The following ZFAT variants were observed in gnomAD, a reference collection of about 807,000 sequenced individuals.
The protein encoded by ZFAT is zinc finger and AT-hook domain containing.
ZFAT carries 64 observed loss-of-function variants against 117.7 expected under a neutral mutation model. That is an observed-to-expected ratio of 0.54 (90% CI 0.44 to 0.67). The LOEUF is 0.67. Ranked by LOEUF, ZFAT falls within the 30% of genes least tolerant of loss-of-function variation. The pLI is 0.00. For synonymous variants in ZFAT, 679 were observed against 615.0 expected, an observed-to-expected ratio of 1.10 and a Z score of -1.54; for missense variants, 1,433 against 1,584.5, an observed-to-expected ratio of 0.90 and a Z score of 1.62.
chr8:134,599,656 C>T (rs1450300274), intron 7 of ZFAT: 2 of 407,760 alleles, frequency 4.9e-6, no homozygotes, highest in Non-Finnish European at 4.8e-6. Flanking sequence ...ACCATGGTAG[C>T]ACATCAAATG....
chr8:134,653,805 T>C (rs1410964189), intron 2 of ZFAT, among the ~76,000 whole-genome samples: 1 of 152,172 alleles, frequency 6.6e-6, no homozygotes, highest in Admixed American at 6.5e-5. Flanking sequence ...CTGACATTTT[T>C]TTAAGGCTGC....
intron 3 of ZFAT, among the ~76,000 whole-genome samples, chr8:134,637,158 T>C (rs1321684712): frequency 6.6e-6 from 1 of 152,234 alleles, no homozygotes; most frequent in Non-Finnish European, 1.5e-5. Context: ...CTTGTCTTCT[T>C]TCCCAGAACA....
chr8:134,806,494 G>T, the ZFAT span, among the ~76,000 whole-genome samples: 1 of 152,084 alleles, frequency 6.6e-6, no homozygotes, highest in Non-Finnish European at 1.5e-5. Flanking sequence ...TTTAAATCAG[G>T]AAAAAAATAG....
rs78470895 is a variant in ZFAT, at chr8:134,512,250, C to T, written c.3361+225G>A. Reference sequence around the variant, plus strand: ...TGGTAAGAGATGTGAGGGACTCTTGCGGCCCTGTTCGAAGGCTTTCCCTCT... The same window carrying T: ...TGGTAAGAGATGTGAGGGACTCTTGTGGCCCTGTTCGAAGGCTTTCCCTCT... On this transcript the variant is annotated intron_variant, in intron 14 of 15. Coordinates refer to ENST00000377838, the MANE Select transcript of ZFAT (RefSeq NM_020863.4). Among the ~76,000 whole-genome samples the T allele has an allele frequency of 6.8e-3, 1,033 of 152,290 alleles. 8 individuals carry two copies. Among genetic ancestry groups the T allele is most frequent in the Non-Finnish European group, 0.01 (688 of 68,030 alleles).
chr8:134,539,571 G>A (rs1822096897), intron 11 of ZFAT, among the ~76,000 whole-genome samples: 3 of 152,198 alleles, frequency 2.0e-5, no homozygotes, highest in African/African-American at 7.2e-5. Flanking sequence ...CAACCTGGCT[G>A]ATGTAGTAAT....
the ZFAT span, chr8:134,765,611 C>T: frequency 6.6e-6 from 1 of 152,050 alleles, no homozygotes; most frequent in Non-Finnish European, 1.5e-5. Flanking sequence ...TGTCTCAGAC[C>T]TTGTACTTTA....
At chr8:134,784,464 C>T in the ZFAT span, 1 of 151,994 alleles carries the variant, frequency 6.6e-6, no homozygotes, top group African/African-American at 2.4e-5. Context: ...ATCACTAGAA[C>T]CCCAAAATTA....
chr8:134,638,256 C>A (rs759246393), intron 2 of ZFAT, among the ~76,000 whole-genome samples: 4 of 152,132 alleles, frequency 2.6e-5, no homozygotes, highest in Non-Finnish European at 5.9e-5. Flanking sequence ...AAGACAATAA[C>A]AATATTTTTC....
At chr8:134,532,743 C>T (rs1268347432) in intron 12 of ZFAT, 91 bp downstream of exon 12, 7 of 1,503,936 alleles carry the variant, frequency 4.7e-6, no homozygotes, top group African/African-American at 2.7e-5. Context: ...TGTAGCAGAA[C>T]TGAACTGCAG....
At chr8:134,554,200 A>G (rs1203055644) in intron 11 of ZFAT, among the ~76,000 whole-genome samples, 1 of 152,180 alleles carries the variant, frequency 6.6e-6, no homozygotes, top group Non-Finnish European at 1.5e-5. Context: ...AGCAGGGGCA[A>G]TAGGTACATC....
the ZFAT span, among the ~76,000 whole-genome samples, chr8:134,737,476 T>C: frequency 6.6e-6 from 1 of 152,200 alleles, no homozygotes; most frequent in Non-Finnish European, 1.5e-5. Context: ...GCCAGGGCTC[T>C]GTGTGTTCAG....
At position 134,532,687 on chromosome 8, in the gene ZFAT, T is replaced by C. The variant is rs138965797; in HGVS notation, c.3115+147A>G. On this transcript the variant is annotated intron_variant, in intron 12 of 15. Transcript: ENST00000377838. ...TGACAAACAATGATAAGGACGATGA[T>C]GACAACAATTAGGACGATGAAGAAT... 5.5e-4 allele frequency: 621 copies of C among 1,119,190 alleles called. 3 individuals are homozygous for C. The African/African-American group carries it at 7.2e-3, about 13-fold the overall frequency. 69.3% of individuals were successfully genotyped at this position (1,119,190 alleles called of 1,614,324 possible).
At chr8:134,726,416 T>C in the ZFAT span, among the ~76,000 whole-genome samples, 1 of 152,224 alleles carries the variant, frequency 6.6e-6, no homozygotes, top group Non-Finnish European at 1.5e-5. Context: ...ACTGAAATTG[T>C]GCACATGCTC....
chr8:134,730,620 CCT>C, the ZFAT span, among the ~76,000 whole-genome samples: 1 of 152,152 alleles, frequency 6.6e-6, no homozygotes, highest in South Asian at 2.1e-4. Context: ...GGTGTGATCC[CCT>C]GTTTAAAGAT....
chr8:134,729,643 C>T, the ZFAT span, among the ~76,000 whole-genome samples: 3 of 152,208 alleles, frequency 2.0e-5, no homozygotes, highest in Non-Finnish European at 4.4e-5. Flanking sequence ...CCGCTTCTGA[C>T]TGCCACTGAG....
the ZFAT span, among the ~76,000 whole-genome samples, chr8:134,740,161 A>T: frequency 6.6e-6 from 1 of 151,662 alleles, no homozygotes; most frequent in South Asian, 2.1e-4. Flanking sequence ...CCTAACACTC[A>T]AACCCTTGTC....
At chr8:134,826,655 A>C in the ZFAT span, among the ~76,000 whole-genome samples, 1 of 152,202 alleles carries the variant, frequency 6.6e-6, no homozygotes, top group Non-Finnish European at 1.5e-5. Flanking sequence ...ACTTAGAACA[A>C]ATGCCAACAG....
the ZFAT span, among the ~76,000 whole-genome samples, chr8:134,770,569 G>A: frequency 6.6e-6 from 1 of 152,132 alleles, no homozygotes; most frequent in African/African-American, 2.4e-5. Flanking sequence ...TGCCCAAATT[G>A]TAGAACATGT....
intron 3 of ZFAT, among the ~76,000 whole-genome samples, chr8:134,631,763 A>C (rs1586852569): frequency 6.6e-6 from 1 of 152,170 alleles, no homozygotes; most frequent in East Asian, 1.9e-4. Context: ...AGCCACGCGC[A>C]CTCAAAGGCC....
Sources: allele counts gnomAD v4.1 joint callset (sites outside exome capture counted in the v4.1 genomes callset), GRCh38; gene constraint gnomAD v4.1.1; transcripts MANE v1.5; gene names NCBI Gene and HGNC (gene_info 2026-07-23, HGNC 2026-07-21).